Variants in FAM171B observed in about 807,000 individuals in gnomAD.
FAM171B encodes the protein family with sequence similarity 171 member B, also known as protein FAM171B.
Under a neutral mutation model 75.6 loss-of-function variants are expected in FAM171B, and 19 were observed. The ratio of observed to expected loss-of-function variants is 0.25; its 90% CI spans 0.18 to 0.37. FAM171B has a LOEUF of 0.37. Ranked by LOEUF, FAM171B falls within the 10% of genes least tolerant of loss-of-function variation. The pLI is 1.00. For missense variants in FAM171B, 848 were observed against 982.4 expected (o/e 0.86, Z 1.83); for synonymous variants, 367 against 361.7 (o/e 1.01, Z -0.17).
intron 1 of FAM171B, among the ~76,000 whole-genome samples, chr2:186,710,638 C>G (rs1471659990): frequency 6.6e-6 from 1 of 152,112 alleles, no homozygotes; most frequent in East Asian, 1.9e-4. Context: ...TTTTTCTTCC[C>G]TGTAACTCAA....
chr2:186,761,367 C>T, intron 7 of FAM171B, 112 bp from the exon 8 acceptor site: 1 of 1,435,830 alleles, frequency 7.0e-7, no homozygotes, highest in African/African-American at 1.4e-5. Flanking sequence ...TTTTAATCTA[C>T]ATATCTCACA....
chr2:186,695,891 C>T (rs1213009055), intron 1 of FAM171B, among the ~76,000 whole-genome samples: 1 of 152,120 alleles, frequency 6.6e-6, no homozygotes, highest in Non-Finnish European at 1.5e-5. Flanking sequence ...CATAAATTCA[C>T]TATGAAGCCG....
chr2:186,756,920 T>C (rs1001494950), intron 6 of FAM171B, among the ~76,000 whole-genome samples: 1 of 151,966 alleles, frequency 6.6e-6, no homozygotes, highest in East Asian at 1.9e-4. Context: ...AGGATACAGA[T>C]AAAGAGCAGA....
At chr2:186,753,889 C>CT in intron 5 of FAM171B, 44 bp from the exon 6 acceptor site, 1 of 1,467,656 alleles carries the variant, frequency 6.8e-7, no homozygotes, top group Non-Finnish European at 9.5e-7. Context: ...ACCATCAGTT[C>CT]TTAAGATATA....
intron 1 of FAM171B, among the ~76,000 whole-genome samples, chr2:186,714,666 A>G (rs2105776321): frequency 6.6e-6 from 1 of 152,330 alleles, no homozygotes; most frequent in South Asian, 2.1e-4. Context: ...TTGTAACTGA[A>G]AATAAAAGAT....
Position 186,761,505 on chromosome 2 carries a change from GAGAA to G in FAM171B, c.1169_1172del (p.Arg390IlefsTer19). 6.3e-7 allele frequency: 1 copy of G among 1,582,688 alleles called. No homozygotes were observed. The highest frequency in any genetic ancestry group is 8.5e-7 in the Non-Finnish European group (1 of 1,170,482). On this transcript the variant is annotated frameshift_variant, in exon 8 of 8. Coordinates refer to ENST00000304698, the MANE Select transcript of FAM171B (RefSeq NM_177454.4). LOFTEE classifies it high-confidence loss of function. ...GACAAGTGTGGTACTCCACAGAAAAGAGAAAGAAATATCACTAAACTTGAGGTCC... is the reference window on the plus strand; with the variant it reads ...GACAAGTGTGGTACTCCACAGAAAAGAGAAATATCACTAAACTTGAGGTCC...
intron 1 of FAM171B, among the ~76,000 whole-genome samples, chr2:186,721,593 ACATTGTTAGC>A: frequency 6.6e-6 from 1 of 152,312 alleles, no homozygotes; most frequent in South Asian, 2.1e-4. Flanking sequence ...TTCTTGCTTA[ACATTGTTAGC>A]CAGAATAATT....
intron 1 of FAM171B, among the ~76,000 whole-genome samples, chr2:186,702,292 C>G (rs375995918): frequency 1.4e-4 from 22 of 152,286 alleles, no homozygotes; most frequent in African/African-American, 4.6e-4. Flanking sequence ...ACTTGTAACA[C>G]AATTTTAAGT....
At chr2:186,733,444 G>A in intron 1 of FAM171B, among the ~76,000 whole-genome samples, 1 of 152,154 alleles carries the variant, frequency 6.6e-6, no homozygotes, top group East Asian at 1.9e-4. Context: ...AGATCATTTT[G>A]TCACAGGAGC....
intron 1 of FAM171B, among the ~76,000 whole-genome samples, chr2:186,699,709 C>A (rs1689630526): frequency 6.6e-6 from 1 of 152,112 alleles, no homozygotes; most frequent in South Asian, 2.1e-4. Context: ...GACCAATGTC[C>A]TGGAAAATTT....
chr2:186,758,680 T>G (rs923237716), intron 6 of FAM171B, among the ~76,000 whole-genome samples: 9 of 152,146 alleles, frequency 5.9e-5, no homozygotes, highest in Admixed American at 2.0e-4. Flanking sequence ...TTTTTAAATT[T>G]TTTATCTTTA....
chr2:186,737,976 C>A (rs73979353), intron 1 of FAM171B, among the ~76,000 whole-genome samples: 1 of 152,226 alleles, frequency 6.6e-6, no homozygotes, highest in Non-Finnish European at 1.5e-5. Context: ...TGTGGCTCCA[C>A]GCTCAGCCTG....
intron 1 of FAM171B, among the ~76,000 whole-genome samples, chr2:186,706,875 A>G (rs1365460436): frequency 6.6e-6 from 1 of 152,080 alleles, no homozygotes. Context: ...TAATTACATT[A>G]TATTGAAAAT....
chr2:186,697,767 A>G (rs1467088818), intron 1 of FAM171B, among the ~76,000 whole-genome samples: 1 of 152,206 alleles, frequency 6.6e-6, no homozygotes, highest in Admixed American at 6.5e-5. Flanking sequence ...TTATCAGTCC[A>G]TAGTAGAGAA....
intron 1 of FAM171B, among the ~76,000 whole-genome samples, chr2:186,724,464 C>A (rs1690002078): frequency 6.6e-6 from 1 of 152,168 alleles, no homozygotes; most frequent in South Asian, 2.1e-4. Flanking sequence ...TGTGTCCCTG[C>A]AGCTCACAGC....
intron 1 of FAM171B, among the ~76,000 whole-genome samples, chr2:186,734,824 C>T (rs970072412): frequency 1.3e-4 from 20 of 152,322 alleles, no homozygotes; most frequent in South Asian, 4.1e-4. Flanking sequence ...GGGGCCTAGG[C>T]GACAGGGGGC....
rs1690685809 is a variant in FAM171B at position 186,765,448 on chromosome 2, C to T, written c.*2625C>T. 1.3e-5 allele frequency: 2 copies of T among 151,930 alleles called. No individual in the cohort carries two copies. The highest frequency in any genetic ancestry group is 1.3e-4 in the Admixed American group (2 of 15,230). 9.4% of individuals were successfully genotyped at this position (151,930 alleles called of 1,614,324 possible). The stretch of plus-strand genomic sequence containing the variant: ...ATAAATCAATTTTTATGACTTTATG[C>T]AGTTGTATAGGGATTATGCCCTTTC... On this transcript the variant is annotated 3_prime_UTR_variant, in exon 8 of 8. Coordinates refer to ENST00000304698, the MANE Select transcript of FAM171B (RefSeq NM_177454.4).
chr2:186,715,820 GT>G (rs1448409999), intron 1 of FAM171B, among the ~76,000 whole-genome samples: 1 of 152,068 alleles, frequency 6.6e-6, no homozygotes, highest in Non-Finnish European at 1.5e-5. Context: ...CTAAGATTGG[GT>G]TTGTATTTTT....
At position 186,761,938 on chromosome 2, in the gene FAM171B, G is replaced by C; in HGVS notation, c.1596G>C (p.Met532Ile). 1 of 1,613,354 alleles carries C rather than the reference G, an allele frequency of 6.2e-7. No individual in the cohort carries two copies. The highest frequency in any genetic ancestry group is 8.5e-7 in the Non-Finnish European group (1 of 1,179,742). ...GTTCCCATATTCCTGAACAGCTTAT[G>C]CATATTTACAGCCAACCCATTGCCA... ...YGRSHIPEQL[M>I]HIYSQPIAIL... The change falls in exon 8 of 8, where the codon ATG (methionine) becomes ATC (isoleucine). Residue 532 changes from methionine to isoleucine, a missense_variant. Coordinates refer to ENST00000304698, the MANE Select transcript of FAM171B (RefSeq NM_177454.4).
Sources: gnomAD v4.1 joint callset for allele counts (sites outside exome capture counted in the v4.1 genomes callset) on GRCh38, gnomAD v4.1.1 for gene constraint, MANE v1.5 for transcripts, NCBI Gene and HGNC (gene_info 2026-07-23, HGNC 2026-07-21) for gene names.